Variants in PKD2L1 observed in about 807,000 individuals in gnomAD.
The protein encoded by PKD2L1 is polycystin-2-like protein 1.
PKD2L1 carries 77 observed loss-of-function variants against 93.0 expected under a neutral mutation model. The ratio of observed to expected loss-of-function variants is 0.83; its 90% CI spans 0.69 to 1.00. The LOEUF (loss-of-function observed/expected upper bound fraction) is 1.00, where lower values mean the gene tolerates loss of function less well. PKD2L1 is among the 50% of genes least tolerant of loss of function. The pLI is 0.00. For synonymous variants in PKD2L1, 390 were observed against 388.0 expected (o/e 1.01, Z -0.06); for missense variants, 977 against 990.9 (o/e 0.99, Z 0.19).
chr10:100,290,160 C>A (rs201811681), intron 13 of PKD2L1, 22 bp from the exon 14 acceptor site: 3 of 1,613,544 alleles, frequency 1.9e-6, no homozygotes, highest in African/African-American at 1.3e-5. Context: ...TTGAGAGAGA[C>A]GAATGGAGCA....
intron 2 of PKD2L1, among the ~76,000 whole-genome samples, chr10:100,304,136 A>T (rs148789550): frequency 7.9e-5 from 12 of 152,374 alleles, no homozygotes; most frequent in African/African-American, 2.6e-4. Context: ...ATTGAAGTGC[A>T]TAGGTACAGA....
chr10:100,326,185 T>C (rs531047944), intron 2 of PKD2L1, among the ~76,000 whole-genome samples: 1 of 152,338 alleles, frequency 6.6e-6, no homozygotes, highest in East Asian at 1.9e-4. Flanking sequence ...GTCATGTCAC[T>C]CCTATGCTTA....
chr10:100,315,834 C>T (rs556613966), intron 2 of PKD2L1, among the ~76,000 whole-genome samples: 1 of 152,328 alleles, frequency 6.6e-6, no homozygotes, highest in South Asian at 2.1e-4. Flanking sequence ...CTGCCTCCTC[C>T]AGGCTGACAG....
Position 100,296,224 on chromosome 10 carries a change from G to T in PKD2L1, c.1254C>A (p.Leu418=), listed in dbSNP as rs764555321. 1.9e-6 allele frequency: 3 copies of T among 1,611,682 alleles called. No individual in the cohort carries two copies. The highest frequency in any genetic ancestry group is 3.4e-5 in the Admixed American group (2 of 59,674). ...TLEVNRLMGK[L]LQQPNTYADF... ...CTGCATACGTGTTTGGCTGCTGCAGGAGCTTCCCCATGAGCCGATTCACCT... is the reference window on the plus strand; with the variant it reads ...CTGCATACGTGTTTGGCTGCTGCAGTAGCTTCCCCATGAGCCGATTCACCT... Residue 418 remains leucine, a synonymous_variant, in exon 7 of 16, where the codon CTC becomes CTA. Transcript: ENST00000318222.
At chr10:100,306,909 C>T (rs182458559) in intron 2 of PKD2L1, among the ~76,000 whole-genome samples, 17 of 106,820 alleles carry the variant, frequency 1.6e-4, no homozygotes, top group Non-Finnish European at 2.4e-4. Flanking sequence ...AAAACAAAAA[C>T]AAAAAACTTG....
intron 12 of PKD2L1, 28 bp downstream of exon 12, chr10:100,291,273 T>C: frequency 1.2e-6 from 2 of 1,606,882 alleles, no homozygotes; most frequent in Non-Finnish European, 1.7e-6. Context: ...TTCCTTACAC[T>C]GCCTCTCCAC....
chr10:100,308,625 G>A (rs565397030), intron 2 of PKD2L1, among the ~76,000 whole-genome samples: 3 of 152,308 alleles, frequency 2.0e-5, no homozygotes, highest in South Asian at 2.1e-4. Context: ...ATGAGCCACT[G>A]CGCCAGGCCC....
At chr10:100,300,953 A>G (rs1232110779) in intron 2 of PKD2L1, among the ~76,000 whole-genome samples, 1 of 152,080 alleles carries the variant, frequency 6.6e-6, no homozygotes, top group Non-Finnish European at 1.5e-5. Context: ...CGATAATTCA[A>G]CGTAGGTTCT....
At chr10:100,316,140 T>C (rs1188401565) in intron 2 of PKD2L1, among the ~76,000 whole-genome samples, 1 of 152,186 alleles carries the variant, frequency 6.6e-6, no homozygotes, top group Non-Finnish European at 1.5e-5. Context: ...CAGCCTTCCT[T>C]ACTCCTTGAA....
At chr10:100,319,295 G>A (rs1849175832) in intron 2 of PKD2L1, among the ~76,000 whole-genome samples, 1 of 152,206 alleles carries the variant, frequency 6.6e-6, no homozygotes, top group African/African-American at 2.4e-5. Flanking sequence ...ATTCTCACTT[G>A]AGGAATCAAG....
At chr10:100,302,763 C>T (rs1392356953) in intron 2 of PKD2L1, among the ~76,000 whole-genome samples, 1 of 151,494 alleles carries the variant, frequency 6.6e-6, no homozygotes, top group Non-Finnish European at 1.5e-5. Context: ...TGTTCTGAAG[C>T]AAAAAAAGAA....
intron 2 of PKD2L1, among the ~76,000 whole-genome samples, chr10:100,319,145 T>A (rs567520794): frequency 6.6e-6 from 1 of 152,276 alleles, no homozygotes; most frequent in Non-Finnish European, 1.5e-5. Context: ...TAAGGCTGGC[T>A]GAGATGTTTT....
intron 8 of PKD2L1, 56 bp downstream of exon 8, chr10:100,294,886 C>T: frequency 6.7e-7 from 1 of 1,490,416 alleles, no homozygotes; most frequent in Middle Eastern, 1.7e-4. Context: ...GATACATACA[C>T]CCGTGGAGCT....
intron 15 of PKD2L1, 78 bp from the exon 16 acceptor site, chr10:100,288,556 G>A (rs1266109666): frequency 1.1e-6 from 1 of 904,348 alleles, no homozygotes; most frequent in East Asian, 2.4e-5. Context: ...AGGATTCACT[G>A]GGAAGTAGGA....
In PKD2L1 at chr10:100,299,584, T is replaced by G; in HGVS notation, c.477+7A>C. 1 of 1,613,478 alleles carries G rather than the reference T, an allele frequency of 6.2e-7. No homozygotes were observed. ...GAGGGGAGGGGTAGAAAAGATCTTA[T>G]ACTCACATCCCAGAAGTCCGCCATG... On this transcript the variant is annotated splice_region_variant and intron_variant, in intron 3 of 15. Transcript: ENST00000318222.
At chr10:100,296,049 GA>G (rs1023315406) in intron 7 of PKD2L1, 72 bp downstream of exon 7, 12 of 1,246,390 alleles carry the variant, frequency 9.6e-6, no homozygotes, top group East Asian at 5.2e-5. Context: ...AAAAAAAAAA[GA>G]AAAAAAAGAA....
intron 2 of PKD2L1, among the ~76,000 whole-genome samples, chr10:100,325,376 A>G (rs1849354901): frequency 6.6e-6 from 1 of 152,192 alleles, no homozygotes; most frequent in South Asian, 2.1e-4. Context: ...AGAGCACCGA[A>G]GTGGCCCTCC....
rs183388431 is a variant in PKD2L1, at chr10:100,294,528, C to A, written c.1659+7G>T. 1.9e-6 allele frequency: 3 copies of A among 1,614,036 alleles called. No homozygotes were observed. The highest frequency in any genetic ancestry group is 1.7e-6 in the Non-Finnish European group (2 of 1,179,988). ...TCTATGTCCCCACCCCTCAGAGAGA[C>A]CCTCACCAGGAGCACGAAGAAGACG... On this transcript the variant is annotated splice_region_variant and intron_variant, in intron 9 of 15. Transcript: ENST00000318222.
At position 100,294,662 on chromosome 10, in the gene PKD2L1, G is replaced by C; in HGVS notation, c.1539-7C>G. On this transcript the variant is annotated splice_polypyrimidine_tract_variant and splice_region_variant and intron_variant, in intron 8 of 15. Coordinates refer to ENST00000318222, the MANE Select transcript of PKD2L1 (RefSeq NM_016112.3). ...TATCCGGAACTGAGTGAAACTGAGA[G>C]ACCAGGTCTGGGCTTTACCCAGAGC... 2 of 1,614,068 alleles carry C rather than the reference G, an allele frequency of 1.2e-6. No individual in the cohort carries two copies. Among genetic ancestry groups the C allele is most frequent in the Non-Finnish European group, 1.7e-6 (2 of 1,179,996 alleles).
Sources: gnomAD v4.1 joint callset for allele counts (sites outside exome capture counted in the v4.1 genomes callset) on GRCh38, gnomAD v4.1.1 for gene constraint, MANE v1.5 for transcripts, NCBI Gene and HGNC (gene_info 2026-07-23, HGNC 2026-07-21) for gene names.